Variants in MINDY2 observed in about 807,000 individuals in gnomAD.
MINDY2 encodes ubiquitin carboxyl-terminal hydrolase MINDY-2.
MINDY2 carries 52 observed loss-of-function variants against 68.2 expected under a neutral mutation model. The ratio of observed to expected loss-of-function variants is 0.76; its 90% CI spans 0.61 to 0.96. The LOEUF (loss-of-function observed/expected upper bound fraction) is 0.96. Ranked by LOEUF, MINDY2 falls within the 40% of genes least tolerant of loss-of-function variation. The pLI, the probability that MINDY2 is intolerant of heterozygous loss-of-function variation, is 0.00. For synonymous variants in MINDY2, 372 were observed against 303.0 expected (o/e 1.23, Z -2.36); for missense variants, 881 against 773.4 (o/e 1.14, Z -1.65).
chr15:58,830,570 A>G (rs1197560992), intron 5 of MINDY2, among the ~76,000 whole-genome samples: 1 of 152,192 alleles, frequency 6.6e-6, no homozygotes, highest in Non-Finnish European at 1.5e-5. Context: ...AGCATTTTAG[A>G]TAAGTGATAC....
intron 6 of MINDY2, among the ~76,000 whole-genome samples, chr15:58,838,569 C>T (rs1403022557): frequency 2.1e-5 from 3 of 139,832 alleles, no homozygotes; most frequent in Non-Finnish European, 3.1e-5. Context: ...GTTAGTGGGG[C>T]TACTTTTTAG....
intron 1 of MINDY2, among the ~76,000 whole-genome samples, chr15:58,780,565 A>G (rs1384358335): frequency 6.6e-6 from 1 of 152,200 alleles, no homozygotes; most frequent in Non-Finnish European, 1.5e-5. Context: ...TCTGGGGCAA[A>G]ACAGGGTGGG....
intron 2 of MINDY2, among the ~76,000 whole-genome samples, chr15:58,791,449 C>G (rs1013457021): frequency 6.6e-6 from 1 of 151,106 alleles, no homozygotes; most frequent in Non-Finnish European, 1.5e-5. Context: ...ACCCCCATCT[C>G]CACTTAAAAA....
At chr15:58,834,705 T>G (rs1019447317) in intron 6 of MINDY2, among the ~76,000 whole-genome samples, 1 of 152,224 alleles carries the variant, frequency 6.6e-6, no homozygotes, top group Non-Finnish European at 1.5e-5. Flanking sequence ...AATATGTCAT[T>G]TTTTTCTAAA....
rs946967412 is a variant in MINDY2 at position 58,854,576 on chromosome 15, A to C, written c.1832A>C (p.Lys611Thr). 6.2e-7 allele frequency: 1 copy of C among 1,612,720 alleles called. No individual in the cohort carries two copies. The highest frequency in any genetic ancestry group is 1.7e-5 in the Admixed American group (1 of 59,990). ...GAACCACGAGAAAAAGATAAAGAAA[A>C]AGAAAAGGAAAAAAATAGCTGTGTT... ...RKEPREKDKEKEKEKNSCVIL is the reference protein window; with the variant it reads ...RKEPREKDKETEKEKNSCVIL Residue 611 changes from lysine (K) to threonine (T), a missense_variant, in exon 9 of 9, where the codon AAA becomes ACA. Lys to Thr is a moderately conservative substitution (Grantham distance 78). Coordinates refer to ENST00000559228, the MANE Select transcript of MINDY2 (RefSeq NM_001040450.3).
At position 58,860,845 on chromosome 15, in the gene MINDY2, A is replaced by G. The variant is rs1242696130; in HGVS notation, c.*6235A>G. Reference sequence around the variant, plus strand: ...TATTATTGTTTTTCACATATGTGAAATAAGCAGTTTTTTCAGGGTACATAG... The same window carrying G: ...TATTATTGTTTTTCACATATGTGAAGTAAGCAGTTTTTTCAGGGTACATAG... On this transcript the variant is annotated 3_prime_UTR_variant, in exon 9 of 9. Transcript: ENST00000559228. 1 of 152,210 alleles carries G rather than the reference A, an allele frequency of 6.6e-6. No individual in the cohort carries two copies. Among genetic ancestry groups the G allele is most frequent in the Non-Finnish European group, 1.5e-5 (1 of 68,036 alleles). The allele number at this position is 152,210 out of a possible 1,614,324, so 9.4% of individuals were successfully genotyped here. A position where few individuals can be genotyped will look rare whatever the true frequency, so the allele number is the denominator to read the frequency against.
intron 6 of MINDY2, among the ~76,000 whole-genome samples, chr15:58,835,076 AT>A (rs1373597956): frequency 2.0e-5 from 3 of 152,216 alleles, no homozygotes; most frequent in Admixed American, 2.0e-4. Flanking sequence ...ACAAATATTT[AT>A]TGAGCATGTA....
chr15:58,803,249 G>A (rs950682259), intron 3 of MINDY2, among the ~76,000 whole-genome samples: 1 of 141,656 alleles, frequency 7.1e-6, no homozygotes, highest in African/African-American at 2.6e-5. Context: ...GGCAGATCAC[G>A]AAGTCAGGAG....
chr15:58,806,424 C>T (rs1038444521), intron 3 of MINDY2, among the ~76,000 whole-genome samples: 9 of 144,254 alleles, frequency 6.2e-5, no homozygotes, highest in African/African-American at 1.0e-4. Flanking sequence ...GTGGTGCTAT[C>T]GTGGCTCACT....
intron 3 of MINDY2, among the ~76,000 whole-genome samples, chr15:58,805,884 G>T (rs754915126): frequency 1.3e-5 from 2 of 152,108 alleles, no homozygotes; most frequent in African/African-American, 4.8e-5. Context: ...GACCATGCTG[G>T]CTAACACAGT....
rs2033074602 is a variant in MINDY2, at chr15:58,856,813, C to G, written c.*2203C>G. The G allele has an allele frequency of 6.6e-6, 1 of 152,140 alleles. No individual in the cohort carries two copies. The highest frequency in any genetic ancestry group is 6.5e-5 in the Admixed American group (1 of 15,272). 9.4% of individuals were successfully genotyped at this position (152,140 alleles called of 1,614,324 possible). A position where few individuals can be genotyped will look rare whatever the true frequency, so the allele number is the denominator to read the frequency against. ...GTATACCTTGAGAAATTTTAAAAAG[C>G]ATAGTTGAGGCATATTTTTTCATAA... On this transcript the variant is annotated 3_prime_UTR_variant, in exon 9 of 9. Transcript: ENST00000559228.
chr15:58,774,447 G>A (rs1203638137), intron 1 of MINDY2, among the ~76,000 whole-genome samples: 1 of 143,824 alleles, frequency 7.0e-6, no homozygotes, highest in Non-Finnish European at 1.5e-5. Flanking sequence ...TCACGCCACT[G>A]CACTCCAGCC....
At chr15:58,811,293 A>G (rs1169826177) in intron 4 of MINDY2, among the ~76,000 whole-genome samples, 2 of 152,200 alleles carry the variant, frequency 1.3e-5, no homozygotes, top group Non-Finnish European at 2.9e-5. Flanking sequence ...CTAACTGTAC[A>G]TTTCTAAATG....
Position 58,856,342 on chromosome 15 carries a change from T to G in MINDY2, c.*1732T>G, listed in dbSNP as rs1469347189. On this transcript the variant is annotated 3_prime_UTR_variant, in exon 9 of 9. Coordinates refer to ENST00000559228, the MANE Select transcript of MINDY2 (RefSeq NM_001040450.3). The stretch of plus-strand genomic sequence containing the variant: ...ATTTTTTCAACTATGTCATTAACTT[T>G]ATGATCCAAGACCAGTTATAGGATG... 7 of 152,624 alleles carry G rather than the reference T, an allele frequency of 4.6e-5. No homozygotes were observed. The highest frequency in any genetic ancestry group is 1.7e-4 in the African/African-American group (7 of 41,444). 9.5% of individuals were successfully genotyped at this position (152,624 alleles called of 1,614,324 possible). A position where few individuals can be genotyped will look rare whatever the true frequency, so the allele number is the denominator to read the frequency against.
chr15:58,849,712 C>G, intron 7 of MINDY2, among the ~76,000 whole-genome samples: 1 of 152,060 alleles, frequency 6.6e-6, no homozygotes, highest in Non-Finnish European at 1.5e-5. Context: ...GATAGTCATG[C>G]TATATATATG....
intron 1 of MINDY2, among the ~76,000 whole-genome samples, chr15:58,786,494 C>G (rs1901510637): frequency 6.6e-6 from 1 of 152,148 alleles, no homozygotes; most frequent in Non-Finnish European, 1.5e-5. Context: ...CGCATTTGAA[C>G]AATTAATTTA....
At chr15:58,838,289 T>G (rs1471748856) in intron 6 of MINDY2, among the ~76,000 whole-genome samples, 2 of 151,704 alleles carry the variant, frequency 1.3e-5, no homozygotes, top group Non-Finnish European at 2.9e-5. Context: ...TGCCAGCTAC[T>G]CAGAAGGCTG....
chr15:58,792,868 G>A (rs1056350964), intron 2 of MINDY2, among the ~76,000 whole-genome samples: 1 of 152,168 alleles, frequency 6.6e-6, no homozygotes, highest in Non-Finnish European at 1.5e-5. Flanking sequence ...CCAGGCTGGT[G>A]GTGCGTGCCT....
intron 6 of MINDY2, among the ~76,000 whole-genome samples, chr15:58,833,129 T>C (rs1298165246): frequency 3.3e-5 from 5 of 152,234 alleles, no homozygotes; most frequent in African/African-American, 1.2e-4. Context: ...AACTTATACA[T>C]AGATTTCTTC....
Sources: allele counts gnomAD v4.1 joint callset (sites outside exome capture counted in the v4.1 genomes callset), GRCh38; gene constraint gnomAD v4.1.1; transcripts MANE v1.5; gene names NCBI Gene and HGNC (gene_info 2026-07-23, HGNC 2026-07-21).